VPS45: variants seen among roughly 807,000 people sequenced by gnomAD.
VPS45 encodes vacuolar protein sorting-associated protein 45.
A neutral mutation model predicts 75.9 loss-of-function variants in VPS45; 35 were observed. The ratio of observed to expected loss-of-function variants is 0.46; its 90% CI spans 0.35 to 0.61. VPS45 has a LOEUF of 0.61. Ranked by LOEUF, VPS45 falls within the 20% of genes least tolerant of loss-of-function variation. The probability of loss-of-function intolerance (pLI) is 0.00; values close to 1 mark genes in which losing one functional copy is unlikely to be tolerated. For missense variants in VPS45, 559 were observed against 685.9 expected (o/e 0.81, Z 2.07); for synonymous variants, 220 against 238.2 (o/e 0.92, Z 0.70).
chr1:150,141,142 TCTC>T (rs1332788730), intron 14 of VPS45, among the ~76,000 whole-genome samples: 2 of 152,306 alleles, frequency 1.3e-5, no homozygotes, highest in East Asian at 3.9e-4. Flanking sequence ...ACTCCTAACT[TCTC>T]CAAGTAAGTG....
intron 7 of VPS45, among the ~76,000 whole-genome samples, chr1:150,080,725 C>T (rs1655659210): frequency 1.3e-5 from 2 of 152,178 alleles, no homozygotes; most frequent in Admixed American, 1.3e-4. Context: ...GGAGATTTCT[C>T]ATTTCCAGTT....
chr1:150,075,024 G>C (rs2101509314), intron 3 of VPS45, among the ~76,000 whole-genome samples: 1 of 110,768 alleles, frequency 9.0e-6, no homozygotes, highest in South Asian at 3.0e-4. Context: ...GCAGTGGCAT[G>C]ATCTCGGCTC....
chr1:150,107,163 G>T (rs1657374118), intron 13 of VPS45, among the ~76,000 whole-genome samples: 1 of 152,120 alleles, frequency 6.6e-6, no homozygotes, highest in Non-Finnish European at 1.5e-5. Flanking sequence ...GATCTCCCTA[G>T]ATAAAACTCA....
At position 150,077,134 on chromosome 1, in the gene VPS45, A is replaced by G. The variant is rs1371929132; in HGVS notation, c.479A>G (p.Gln160Arg). The change falls in exon 6 of 15, where the codon CAA becomes CGA. Residue 160 changes from glutamine to arginine, a missense_variant. Gln to Arg is a conservative substitution (Grantham distance 43). Transcript: ENST00000644510. ...WDPAQLSRTT[Q>R]GLTALLLSLK... The stretch of plus-strand genomic sequence containing the variant: ...CCAGCCCAGCTATCTAGAACAACTC[A>G]AGGGCTTACAGCTCTCCTTTTATCT... 4.3e-6 allele frequency: 7 copies of G among 1,612,910 alleles called. No homozygotes were observed. Among genetic ancestry groups the G allele is most frequent in the Non-Finnish European group, 5.9e-6 (7 of 1,179,028 alleles).
At chr1:150,087,879 C>T (rs1404107471) in intron 10 of VPS45, among the ~76,000 whole-genome samples, 1 of 152,086 alleles carries the variant, frequency 6.6e-6, no homozygotes, top group East Asian at 1.9e-4. Flanking sequence ...AACTAAGAGT[C>T]AAGCCAGGCA....
chr1:150,099,944 CCT>C (rs1656887518), intron 13 of VPS45, among the ~76,000 whole-genome samples: 1 of 152,096 alleles, frequency 6.6e-6, no homozygotes, highest in African/African-American at 2.4e-5. Context: ...ACAAGGATGC[CCT>C]CTCTCACCAC....
intron 10 of VPS45, among the ~76,000 whole-genome samples, chr1:150,085,826 A>G (rs1655978981): frequency 6.6e-6 from 1 of 152,156 alleles, no homozygotes; most frequent in Non-Finnish European, 1.5e-5. Flanking sequence ...TCATTTAGAA[A>G]GAATTTCACT....
intron 14 of VPS45, among the ~76,000 whole-genome samples, chr1:150,138,355 G>T (rs1559948374): frequency 6.6e-6 from 1 of 152,048 alleles, no homozygotes; most frequent in Non-Finnish European, 1.5e-5. Flanking sequence ...TACTGTCTTG[G>T]TCGTCCTACC....
chr1:150,081,804 C>T (rs1456842407), intron 8 of VPS45, 80 bp from the exon 9 acceptor site: 5 of 915,822 alleles, frequency 5.5e-6, no homozygotes, highest in Non-Finnish European at 8.4e-6. Flanking sequence ...TTCTGTGTTC[C>T]AAATTCTTTT....
At position 150,111,741 on chromosome 1, in the gene VPS45, A is replaced by G. The variant is rs145046542; in HGVS notation, c.1625+1114A>G. ...TTCTCCTTTATTATGGAAGTAATATATGCATATTCTGAATATTTTTAATTC... is the reference window on the plus strand; with the variant it reads ...TTCTCCTTTATTATGGAAGTAATATGTGCATATTCTGAATATTTTTAATTC... On this transcript the variant is annotated intron_variant, in intron 14 of 14. Transcript: ENST00000644510. Among the ~76,000 whole-genome samples, 630 of 152,308 alleles carry G rather than the reference A, an allele frequency of 4.1e-3. 2 individuals are homozygous for G. The highest frequency in any genetic ancestry group is 0.015 in the African/African-American group (611 of 41,554).
chr1:150,122,660 A>G (rs1658297468), intron 14 of VPS45, among the ~76,000 whole-genome samples: 1 of 152,086 alleles, frequency 6.6e-6, no homozygotes, highest in Admixed American at 6.6e-5. Flanking sequence ...AGTGGTTTTT[A>G]GTATATTCAC....
chr1:150,073,763 A>G (rs919230217), intron 3 of VPS45, among the ~76,000 whole-genome samples: 1 of 152,152 alleles, frequency 6.6e-6, no homozygotes, highest in Non-Finnish European at 1.5e-5. Flanking sequence ...ACACTGATAC[A>G]GTCAGGATAC....
intron 7 of VPS45, among the ~76,000 whole-genome samples, chr1:150,080,232 G>A (rs1050547547): frequency 2.0e-5 from 3 of 150,192 alleles, no homozygotes; most frequent in Non-Finnish European, 2.9e-5. Flanking sequence ...TACAACCTCC[G>A]CCTCCTGGGT....
chr1:150,129,434 T>C (rs1230222797), intron 14 of VPS45, among the ~76,000 whole-genome samples: 1 of 152,172 alleles, frequency 6.6e-6, no homozygotes, highest in Non-Finnish European at 1.5e-5. Flanking sequence ...AATCAATATA[T>C]AATTCCTGTA....
At chr1:150,075,543 A>G (rs182354988) in intron 3 of VPS45, among the ~76,000 whole-genome samples, 1 of 152,246 alleles carries the variant, frequency 6.6e-6, no homozygotes, top group Non-Finnish European at 1.5e-5. Context: ...GGTCCATTCA[A>G]TTGATTCATT....
chr1:150,118,136 T>G (rs74853450), intron 14 of VPS45, among the ~76,000 whole-genome samples: 3,231 of 149,910 alleles, frequency 0.022, 93 homozygotes, highest in African/African-American at 0.074. Context: ...ATACAAAAAT[T>G]AGTTGGGTGT....
At chr1:150,067,735 C>T (rs1654799632), upstream of VPS45, 3 of 903,340 alleles carry the variant, frequency 3.3e-6, no homozygotes, top group East Asian at 2.4e-5. Context: ...CGTGGCTGCC[C>T]GGACTCCCGG....
chr1:150,098,785 A>G (rs782309658), intron 13 of VPS45: 4 of 999,892 alleles, frequency 4.0e-6, no homozygotes, highest in Admixed American at 6.6e-5. Flanking sequence ...ATTGGATTTG[A>G]TCATTCTGCA....
At chr1:150,112,269 G>A (rs1465862760) in intron 14 of VPS45, among the ~76,000 whole-genome samples, 1 of 151,714 alleles carries the variant, frequency 6.6e-6, no homozygotes, top group Non-Finnish European at 1.5e-5. Context: ...TATTCACAGT[G>A]TTTTGTTGTA....
Sources: gnomAD v4.1 joint callset for allele counts (sites outside exome capture counted in the v4.1 genomes callset) on GRCh38, gnomAD v4.1.1 for gene constraint, MANE v1.5 for transcripts, NCBI Gene and HGNC (gene_info 2026-07-23, HGNC 2026-07-21) for gene names.